CDC42BPA: variants seen among roughly 807,000 people sequenced by gnomAD.
CDC42BPA encodes the protein CDC42 binding protein kinase alpha, also known as serine/threonine-protein kinase MRCK alpha.
In CDC42BPA, 80 loss-of-function variants were observed where a neutral mutation model predicts 223.5. That is an observed-to-expected ratio of 0.36 (90% confidence interval 0.30 to 0.43). The LOEUF is 0.43. CDC42BPA is among the 20% of genes least tolerant of loss of function. The probability of loss-of-function intolerance (pLI) is 1.00; values close to 1 mark genes in which losing one functional copy is unlikely to be tolerated. For synonymous variants in CDC42BPA, 694 were observed against 718.6 expected (o/e 0.97, Z 0.55); for missense variants, 1,743 against 2,099.9 (o/e 0.83, Z 3.32).
chr1:227,295,211 G>A (rs991828297), intron 1 of CDC42BPA, among the ~76,000 whole-genome samples: 3 of 151,918 alleles, frequency 2.0e-5, no homozygotes, highest in Non-Finnish European at 2.9e-5. Flanking sequence ...CCCAGGCTAG[G>A]GTACAGTGGT....
At chr1:227,170,083 T>A (rs77755024) in intron 5 of CDC42BPA, among the ~76,000 whole-genome samples, 9,110 of 152,202 alleles carry the variant, frequency 0.06, 277 homozygotes, top group Non-Finnish European at 0.073. Flanking sequence ...CCCTTCAGCT[T>A]GAACCTGGAT....
At chr1:227,148,771 G>GAAAAAAAAAAAAAAAAA (rs1491285386) in intron 6 of CDC42BPA, among the ~76,000 whole-genome samples, 6 of 7,712 alleles carry the variant, frequency 7.8e-4, no homozygotes, top group Non-Finnish European at 1.2e-3. Context: ...GGTCTCAAAA[G>GAAAAAAAAAAAAAAAAA]CAAAAAAAAA....
chr1:227,243,150 C>T (rs1016968767), intron 2 of CDC42BPA, among the ~76,000 whole-genome samples: 15 of 152,098 alleles, frequency 9.9e-5, no homozygotes, highest in African/African-American at 3.4e-4. Context: ...TAGAAGGGAA[C>T]AACACACACT....
At chr1:227,138,766 T>C (rs937928876) in intron 10 of CDC42BPA, among the ~76,000 whole-genome samples, 8 of 152,100 alleles carry the variant, frequency 5.3e-5, no homozygotes, top group African/African-American at 1.9e-4. Context: ...TAGTTGAAGA[T>C]ACAAAGTTGT....
chr1:227,258,542 G>C (rs1157159329), intron 1 of CDC42BPA, among the ~76,000 whole-genome samples: 5 of 150,676 alleles, frequency 3.3e-5, no homozygotes, highest in Admixed American at 6.6e-5. Context: ...CAAAGCTAAG[G>C]GTTATACAAA....
intron 11 of CDC42BPA, among the ~76,000 whole-genome samples, chr1:227,125,915 A>G (rs1007082572): frequency 6.6e-6 from 1 of 152,138 alleles, no homozygotes; most frequent in Non-Finnish European, 1.5e-5. Flanking sequence ...TAATAAATGT[A>G]TAATTTTATA....
intron 1 of CDC42BPA, chr1:227,265,081 T>C: frequency 1.3e-6 from 1 of 775,510 alleles, no homozygotes; most frequent in Non-Finnish European, 2.4e-6. Flanking sequence ...TTGCATTGTA[T>C]CCAAGGTAAA....
intron 34 of CDC42BPA, among the ~76,000 whole-genome samples, chr1:227,007,532 TAA>T (rs1664337910): frequency 6.6e-6 from 1 of 152,194 alleles, no homozygotes; most frequent in African/African-American, 2.4e-5. Flanking sequence ...CAACATAATT[TAA>T]GAGTTGATGA....
At chr1:227,291,704 T>A (rs1028884085) in intron 1 of CDC42BPA, among the ~76,000 whole-genome samples, 1 of 150,840 alleles carries the variant, frequency 6.6e-6, no homozygotes, top group Admixed American at 6.6e-5. Context: ...AGTAAAACTT[T>A]CCATATTCTT....
intron 23 of CDC42BPA, among the ~76,000 whole-genome samples, chr1:227,042,934 C>T (rs1484357842): frequency 6.6e-6 from 1 of 152,030 alleles, no homozygotes; most frequent in Non-Finnish European, 1.5e-5. Context: ...TTAAGCTACA[C>T]ATTGGAGAAA....
Position 227,230,126 on chromosome 1 carries a change from T to C in CDC42BPA, c.271-16907A>G, listed in dbSNP as rs1253616980. On this transcript the variant is annotated intron_variant, in intron 2 of 36. Coordinates refer to ENST00000366766, the MANE Select transcript of CDC42BPA (RefSeq NM_001394014.1). Reference sequence around the variant, plus strand: ...CTCCAAGTTATGTTTTTCCTGCCTATGAGATTTCTAGCTGTTCTGCTACTG... The same window carrying C: ...CTCCAAGTTATGTTTTTCCTGCCTACGAGATTTCTAGCTGTTCTGCTACTG... Among the ~76,000 whole-genome samples, 3 of 152,228 alleles carry C rather than the reference T, an allele frequency of 2.0e-5. No individual in the cohort carries two copies. The East Asian group carries it at 5.8e-4, about 29-fold the overall frequency.
chr1:227,160,544 G>A lies in CDC42BPA; in HGVS notation c.692C>T (p.Thr231Met), dbSNP rs34614709. ...AATTTAGGATTTATCTTTATTTACCGTTCCATCTTCCATCAGCTTCAGACA... is the reference window on the plus strand; with the variant it reads ...AATTTAGGATTTATCTTTATTTACCATTCCATCTTCCATCAGCTTCAGACA... ...GSCLKLMEDG[T>M]VQSSVAVGTP... Residue 231 changes from threonine to methionine, a missense_variant and splice_region_variant, in exon 6 of 37, where the codon ACG (threonine) becomes ATG (methionine). Physicochemically the swap from Thr to Met is moderately conservative, Grantham distance 81 (BLOSUM62 -1). Coordinates refer to ENST00000366766, the MANE Select transcript of CDC42BPA (RefSeq NM_001394014.1). 9.6e-4 allele frequency: 1,498 copies of A among 1,553,970 alleles called. 18 individuals are homozygous for A. The African/African-American group carries it at 0.016, about 17-fold the overall frequency.
intron 21 of CDC42BPA, among the ~76,000 whole-genome samples, chr1:227,066,165 C>A (rs920770297): frequency 6.6e-6 from 1 of 152,016 alleles, no homozygotes; most frequent in Non-Finnish European, 1.5e-5. Context: ...TTGAGACGGG[C>A]GGATCATGAG....
rs573737736 is a variant in CDC42BPA at position 227,079,142 on chromosome 1, C to T, written c.2480+1751G>A. Among the ~76,000 whole-genome samples the T allele has an allele frequency of 2.6e-5, 4 of 152,154 alleles. No individual in the cohort carries two copies. The South Asian group carries it at 8.3e-4, about 32-fold the overall frequency. On this transcript the variant is annotated intron_variant, in intron 17 of 36. Coordinates refer to ENST00000366766, the MANE Select transcript of CDC42BPA (RefSeq NM_001394014.1). ...ACAGGGAATATATATTTTACTTTTT[C>T]CCTTTGGGTATTTGCCAATCTGCTA...
chr1:227,175,176 T>C (rs971484626), intron 5 of CDC42BPA, among the ~76,000 whole-genome samples: 1 of 152,142 alleles, frequency 6.6e-6, no homozygotes, highest in Non-Finnish European at 1.5e-5. Flanking sequence ...ATGACTGATA[T>C]AACCCCTTTT....
chr1:227,249,686 A>T (rs1240195171), intron 2 of CDC42BPA, among the ~76,000 whole-genome samples: 1 of 152,262 alleles, frequency 6.6e-6, no homozygotes, highest in Non-Finnish European at 1.5e-5. Context: ...GCAAACAGGC[A>T]TATGAAAAAA....
intron 21 of CDC42BPA, among the ~76,000 whole-genome samples, chr1:227,061,113 C>G (rs1217933830): frequency 6.6e-6 from 1 of 152,064 alleles, no homozygotes; most frequent in African/African-American, 2.4e-5. Context: ...TTAGAAGGCC[C>G]GGAGAGTTCT....
At chr1:227,152,002 G>A (rs964295651) in intron 6 of CDC42BPA, among the ~76,000 whole-genome samples, 6 of 151,800 alleles carry the variant, frequency 4.0e-5, no homozygotes, top group Admixed American at 2.6e-4. Flanking sequence ...CAGCCTAGGC[G>A]ACAGAGCAAG....
chr1:227,239,385 A>C (rs748707230), intron 2 of CDC42BPA, among the ~76,000 whole-genome samples: 3 of 152,226 alleles, frequency 2.0e-5, no homozygotes, highest in African/African-American at 7.2e-5. Context: ...TGAACGTACA[A>C]CATCAGGAGT....
Sources: allele counts gnomAD v4.1 joint callset (sites outside exome capture counted in the v4.1 genomes callset), GRCh38; gene constraint gnomAD v4.1.1; transcripts MANE v1.5; gene names NCBI Gene and HGNC (gene_info 2026-07-23, HGNC 2026-07-21).